MBD5: variants seen among roughly 807,000 people sequenced by gnomAD.
MBD5 encodes methyl-CpG-binding domain protein 5.
Under a neutral mutation model 117.3 loss-of-function variants are expected in MBD5, and 13 were observed. The observed-to-expected ratio is 0.11, with a 90% CI of 0.07 to 0.18. The LOEUF (loss-of-function observed/expected upper bound fraction) is 0.18. MBD5 is among the 10% of genes least tolerant of loss of function. MBD5 has a pLI of 1.00. For synonymous variants in MBD5, 727 were observed against 766.4 expected, an observed-to-expected ratio of 0.95 and a Z score of 0.85; for missense variants, 1,879 against 2,093.8, an observed-to-expected ratio of 0.90 and a Z score of 2.00.
intron 4 of MBD5, among the ~76,000 whole-genome samples, chr2:148,403,703 A>G (rs1027950669): frequency 1.3e-5 from 2 of 152,184 alleles, no homozygotes; most frequent in African/African-American, 4.8e-5. Flanking sequence ...TATCGATACA[A>G]TGCACCAATC....
At chr2:148,357,363 C>T (rs1356968428) in intron 4 of MBD5, among the ~76,000 whole-genome samples, 1 of 152,132 alleles carries the variant, frequency 6.6e-6, no homozygotes, top group Non-Finnish European at 1.5e-5. Context: ...TACAAATCTT[C>T]CCTCTGAATT....
At chr2:148,462,811 T>G in intron 6 of MBD5, 127 bp downstream of exon 6, 1 of 687,352 alleles carries the variant, frequency 1.5e-6, no homozygotes. Context: ...TTTATCTAAT[T>G]CTCATATTTT....
Position 148,468,789 on chromosome 2 carries a change from T to C in MBD5, c.846T>C (p.Gly282=), listed in dbSNP as rs1414947954. The C allele has an allele frequency of 6.2e-7, 1 of 1,613,770 alleles. No individual in the cohort carries two copies. Among genetic ancestry groups the C allele is most frequent in the East Asian group, 2.2e-5 (1 of 44,864 alleles). Reference sequence around the variant, plus strand: ...CTCCACCTTCAGTAATGCTACATGGTTCTCCTGTACAGTCATCCTGTGCAA... The same window carrying C: ...CTCCACCTTCAGTAATGCTACATGGCTCTCCTGTACAGTCATCCTGTGCAA... ...PLSPPSVMLH[G]SPVQSSCAMA... Residue 282 remains glycine, a synonymous_variant, in exon 8 of 14, where the codon GGT becomes GGC. Transcript: ENST00000642680.
intron 3 of MBD5, among the ~76,000 whole-genome samples, chr2:148,262,897 C>A (rs935827122): frequency 6.6e-6 from 1 of 151,928 alleles, no homozygotes; most frequent in Admixed American, 6.6e-5. Context: ...GGTGGGAAGA[C>A]CAAATAGAGG....
In MBD5 at chr2:148,469,623, G is replaced by T. The variant is rs1574460777; in HGVS notation, c.1680G>T (p.Met560Ile). 1.2e-6 allele frequency: 2 copies of T among 1,613,946 alleles called. No individual in the cohort carries two copies. Among genetic ancestry groups the T allele is most frequent in the Middle Eastern group, 1.7e-4 (1 of 6,060 alleles). The stretch of plus-strand genomic sequence containing the variant: ...AGAGTCAGCCTGGTTTGCTGGGAAT[G>T]CCTTTAAATCAGATCTTGAACCAGC... ...SVKSQPGLLGMPLNQILNQHN... is the reference protein window; with the variant it reads ...SVKSQPGLLGIPLNQILNQHN... Residue 560 changes from methionine to isoleucine, a missense_variant, in exon 8 of 14, where the codon ATG becomes ATT. Coordinates refer to ENST00000642680, the MANE Select transcript of MBD5 (RefSeq NM_001378120.1).
Position 148,489,773 on chromosome 2 carries a change from A to G in MBD5, c.4141A>G (p.Asn1381Asp), listed in dbSNP as rs764746304. The G allele has an allele frequency of 1.2e-5, 20 of 1,614,132 alleles. No homozygotes were observed. In the East Asian group the frequency reaches 4.0e-4, roughly 32 times the overall value. Residue 1381 changes from asparagine (N) to aspartate (D), a missense_variant, in exon 11 of 14, where the codon AAC (asparagine) becomes GAC (aspartate). By Grantham distance (23) the Asn-to-Asp change is conservative. Around this residue, in one of 4 missense-constraint regions of MBD5, gnomAD observed 1,666 missense variants for 1,792.2 expected, o/e 0.93. Coordinates refer to ENST00000642680, the MANE Select transcript of MBD5 (RefSeq NM_001378120.1). ...SAVSAVIHGRNMGGVDHDGRL... is the reference protein window; with the variant it reads ...SAVSAVIHGRDMGGVDHDGRL... ...TGTCAGTGCGGTCATTCATGGACGG[A>G]ACATGGGAGGTGTTGATCATGATGG...
Position 148,154,673 on chromosome 2 carries a change from C to T in MBD5, c.-924-24027C>T, listed in dbSNP as rs77870640. 3.9e-5 allele frequency among the ~76,000 whole-genome samples: 6 copies of T among 152,272 alleles called. No homozygotes were observed. In the South Asian group the frequency reaches 6.2e-4, roughly 16 times the overall value. ...AAGCTGGTCGGAAAAGCGCAGTAAT[C>T]GGGTGGGAGTGACCCGATTTTCCAG... On this transcript the variant is annotated intron_variant, in intron 1 of 13. Coordinates refer to ENST00000642680, the MANE Select transcript of MBD5 (RefSeq NM_001378120.1).
At chr2:148,506,318 A>C (rs1009786857) in intron 12 of MBD5, among the ~76,000 whole-genome samples, 2 of 152,236 alleles carry the variant, frequency 1.3e-5, no homozygotes. Flanking sequence ...GCGAGGAGCA[A>C]ATCTTCTGTC....
intron 1 of MBD5, among the ~76,000 whole-genome samples, chr2:148,114,907 AG>A (rs751571857): frequency 2.0e-5 from 3 of 152,164 alleles, no homozygotes; most frequent in Non-Finnish European, 4.4e-5. Context: ...AAAGTCTACT[AG>A]TATACAGAGA....
intron 8 of MBD5, among the ~76,000 whole-genome samples, chr2:148,476,006 C>T (rs1375376551): frequency 6.6e-6 from 1 of 152,152 alleles, no homozygotes; most frequent in Non-Finnish European, 1.5e-5. Flanking sequence ...CACCTTTTTA[C>T]AGATTAAAAG....
intron 3 of MBD5, among the ~76,000 whole-genome samples, chr2:148,329,417 A>G (rs1258522441): frequency 1.3e-5 from 2 of 152,184 alleles, no homozygotes; most frequent in Non-Finnish European, 2.9e-5. Flanking sequence ...GTATTTTATA[A>G]GTTTATGAAA....
chr2:148,217,531 C>T (rs1290518405), intron 2 of MBD5, among the ~76,000 whole-genome samples: 2 of 152,206 alleles, frequency 1.3e-5, no homozygotes, highest in African/African-American at 4.8e-5. Flanking sequence ...AGCAGACTTA[C>T]TCTATGTCAC....
chr2:148,284,810 A>C (rs1282842215), intron 3 of MBD5, among the ~76,000 whole-genome samples: 1 of 152,174 alleles, frequency 6.6e-6, no homozygotes, highest in Non-Finnish European at 1.5e-5. Flanking sequence ...ATATATACAT[A>C]GATTTGTGTA....
intron 3 of MBD5, among the ~76,000 whole-genome samples, chr2:148,256,467 A>G (rs768048647): frequency 6.6e-6 from 1 of 152,176 alleles, no homozygotes. Context: ...TTGACCCCAA[A>G]TGGGTTGGTG....
At chr2:148,163,022 A>G (rs1290394038) in intron 1 of MBD5, among the ~76,000 whole-genome samples, 1 of 152,216 alleles carries the variant, frequency 6.6e-6, no homozygotes. Flanking sequence ...AATCCACTTT[A>G]TGTCTCCACC....
intron 1 of MBD5, among the ~76,000 whole-genome samples, chr2:148,052,962 CAAA>C (rs780207792): frequency 1.2e-3 from 125 of 102,652 alleles, no homozygotes; most frequent in Non-Finnish European, 1.4e-3. Context: ...GAGTTCGTCT[CAAA>C]AAAAAAAAAA....
At chr2:148,436,182 T>C (rs1197867136) in intron 4 of MBD5, among the ~76,000 whole-genome samples, 2 of 152,188 alleles carry the variant, frequency 1.3e-5, no homozygotes, top group Admixed American at 6.5e-5. Flanking sequence ...TCTAGGAAGA[T>C]TGACATGTTT....
intron 1 of MBD5, among the ~76,000 whole-genome samples, chr2:148,072,839 G>A (rs1472509767): frequency 2.0e-5 from 3 of 152,138 alleles, no homozygotes; most frequent in African/African-American, 4.8e-5. Context: ...AGTGGTAAAT[G>A]TTTATGAATC....
chr2:148,162,507 G>T (rs1232726336), intron 1 of MBD5, among the ~76,000 whole-genome samples: 2 of 152,108 alleles, frequency 1.3e-5, no homozygotes, highest in Admixed American at 6.5e-5. Context: ...TGCTGTAAGG[G>T]TGATCTGTTT....
Sources: allele counts gnomAD v4.1 joint callset (sites outside exome capture counted in the v4.1 genomes callset), GRCh38; gene constraint gnomAD v4.1.1; regional missense constraint gnomAD v4.1.1; transcripts MANE v1.5; gene names NCBI Gene and HGNC (gene_info 2026-07-23, HGNC 2026-07-21).